The following C8orf34 variants were observed in gnomAD, a reference collection of about 807,000 sequenced individuals.
The protein encoded by C8orf34 is chromosome 8 open reading frame 34, also known as uncharacterized protein C8orf34.
Under a neutral mutation model 68.3 loss-of-function variants are expected in C8orf34, and 65 were observed. The observed-to-expected ratio is 0.95, with a 90% confidence interval of 0.78 to 1.17. The LOEUF is 1.17. C8orf34 is among the 50% of genes most tolerant of loss of function. The pLI is 0.00. For synonymous variants in C8orf34, 244 were observed against 241.2 expected (o/e 1.01, Z -0.11); for missense variants, 664 against 655.4 (o/e 1.01, Z -0.14).
intron 5 of C8orf34, among the ~76,000 whole-genome samples, chr8:68,508,953 T>G (rs1482248893): frequency 6.6e-6 from 1 of 152,118 alleles, no homozygotes; most frequent in Non-Finnish European, 1.5e-5. Context: ...AATTGCAGTT[T>G]CCACACAGGA....
chr8:68,516,007 A>T (rs1814496777), intron 5 of C8orf34, among the ~76,000 whole-genome samples: 1 of 152,246 alleles, frequency 6.6e-6, no homozygotes, highest in Non-Finnish European at 1.5e-5. Flanking sequence ...TTTATTATCT[A>T]TTCCAAACAT....
intron 7 of C8orf34, among the ~76,000 whole-genome samples, chr8:68,585,801 T>A (rs960194531): frequency 1.3e-5 from 2 of 151,974 alleles, no homozygotes; most frequent in Non-Finnish European, 2.9e-5. Context: ...AGCTAACTAC[T>A]CCCAGAACAA....
intron 10 of C8orf34, 133 bp from the exon 11 acceptor site, chr8:68,776,266 A>G (rs375745968): frequency 1.5e-5 from 10 of 687,400 alleles, no homozygotes; most frequent in East Asian, 1.2e-4. Context: ...TAACAATCCC[A>G]CAAGTATCAA....
intron 4 of C8orf34, 59 bp downstream of exon 4, chr8:68,468,879 T>C: frequency 6.5e-7 from 1 of 1,548,240 alleles, no homozygotes; most frequent in Non-Finnish European, 8.7e-7. Context: ...GCCGAAGCAT[T>C]CATTACTTGT....
chr8:68,676,250 C>T (rs1382923550), intron 8 of C8orf34, among the ~76,000 whole-genome samples: 1 of 152,020 alleles, frequency 6.6e-6, no homozygotes, highest in African/African-American at 2.4e-5. Flanking sequence ...GGGAGAATTG[C>T]TTCAGCCAGG....
chr8:68,664,005 G>C (rs1326989303), intron 8 of C8orf34, among the ~76,000 whole-genome samples: 1 of 152,108 alleles, frequency 6.6e-6, no homozygotes, highest in Non-Finnish European at 1.5e-5. Flanking sequence ...GTCACCGGAA[G>C]GGGAAAAAGG....
At chr8:68,663,477 C>T (rs770044943) in intron 8 of C8orf34, among the ~76,000 whole-genome samples, 17 of 152,112 alleles carry the variant, frequency 1.1e-4, no homozygotes, top group Non-Finnish European at 1.8e-4. Context: ...TCTAAAAAAT[C>T]CCGGAGAAAA....
intron 7 of C8orf34, among the ~76,000 whole-genome samples, chr8:68,601,062 T>A (rs1817683977): frequency 6.6e-6 from 1 of 152,216 alleles, no homozygotes; most frequent in Non-Finnish European, 1.5e-5. Context: ...TTTGCTTTCA[T>A]CACTTGACAA....
At chr8:68,355,857 T>G (rs1806724373) in intron 1 of C8orf34, among the ~76,000 whole-genome samples, 1 of 152,176 alleles carries the variant, frequency 6.6e-6, no homozygotes. Flanking sequence ...TCCTATCATC[T>G]CAGAGAGGCA....
At chr8:68,545,173 TG>T (rs1226999411) in intron 7 of C8orf34, among the ~76,000 whole-genome samples, 1 of 152,064 alleles carries the variant, frequency 6.6e-6, no homozygotes, top group African/African-American at 2.4e-5. Context: ...AATTGAATCC[TG>T]GGGGCGGTTT....
At chr8:68,377,833 G>T (rs931584028) in intron 1 of C8orf34, among the ~76,000 whole-genome samples, 3 of 152,010 alleles carry the variant, frequency 2.0e-5, no homozygotes, top group Non-Finnish European at 2.9e-5. Context: ...GCATGGCTGG[G>T]GAGGCCTCAG....
At chr8:68,410,884 A>T (rs1228436490) in intron 1 of C8orf34, among the ~76,000 whole-genome samples, 1 of 152,222 alleles carries the variant, frequency 6.6e-6, no homozygotes, top group African/African-American at 2.4e-5. Flanking sequence ...CTCAGAATGC[A>T]GTTCTTCAAT....
intron 7 of C8orf34, among the ~76,000 whole-genome samples, chr8:68,565,195 G>A (rs1816549273): frequency 6.6e-6 from 1 of 152,004 alleles, no homozygotes; most frequent in Non-Finnish European, 1.5e-5. Context: ...TGGCATCATT[G>A]CTCCTGTCTT....
rs1201568834 is a variant in C8orf34, at chr8:68,567,863, G to A, written c.1105+34714G>A. ...AACTGGTGAAGAGGCCTAGTTTTCA[G>A]CCTGTCTTGGCTTTCTACATGCCTT... On this transcript the variant is annotated intron_variant, in intron 7 of 13. Coordinates refer to ENST00000518698, the MANE Select transcript of C8orf34 (RefSeq NM_052958.4). 3.9e-5 allele frequency among the ~76,000 whole-genome samples: 6 copies of A among 151,908 alleles called. No individual in the cohort carries two copies. In the East Asian group the frequency reaches 1.2e-3, roughly 30 times the overall value.
chr8:68,368,327 G>C (rs565464550), intron 1 of C8orf34, among the ~76,000 whole-genome samples: 147 of 152,218 alleles, frequency 9.7e-4, no homozygotes, highest in African/African-American at 3.3e-3. Flanking sequence ...TTGCAGAAAT[G>C]GCAGTTTTGT....
At chr8:68,364,746 G>A (rs1327133100) in intron 1 of C8orf34, among the ~76,000 whole-genome samples, 1 of 139,206 alleles carries the variant, frequency 7.2e-6, no homozygotes, top group Non-Finnish European at 1.6e-5. Flanking sequence ...ATTCAAAGCA[G>A]TGTGTAGAGG....
At chr8:68,662,581 G>C (rs1819714279) in intron 8 of C8orf34, among the ~76,000 whole-genome samples, 1 of 152,174 alleles carries the variant, frequency 6.6e-6, no homozygotes, top group African/African-American at 2.4e-5. Flanking sequence ...GATGTGTCTT[G>C]CTTCCCCTTT....
At chr8:68,513,873 G>T (rs532955560) in intron 5 of C8orf34, among the ~76,000 whole-genome samples, 1 of 152,218 alleles carries the variant, frequency 6.6e-6, no homozygotes. Context: ...GGAAGGAAAA[G>T]GCCATGAAAA....
intron 7 of C8orf34, among the ~76,000 whole-genome samples, chr8:68,589,606 AAAG>A (rs1037301017): frequency 1.9e-5 from 2 of 105,328 alleles, no homozygotes; most frequent in Non-Finnish European, 4.1e-5. Flanking sequence ...GGAAGGAAAG[AAAG>A]AAGGAGAGAA....
Sources: allele counts gnomAD v4.1 joint callset (sites outside exome capture counted in the v4.1 genomes callset), GRCh38; gene constraint gnomAD v4.1.1; transcripts MANE v1.5; gene names NCBI Gene and HGNC (gene_info 2026-07-23, HGNC 2026-07-21).